Variants in CACNA1C observed in about 807,000 individuals in gnomAD.
CACNA1C encodes calcium voltage-gated channel subunit alpha1 C.
CACNA1C carries 30 observed loss-of-function variants against 229.0 expected under a neutral mutation model. That is an observed-to-expected ratio of 0.13 (90% CI 0.10 to 0.18). The LOEUF (loss-of-function observed/expected upper bound fraction) is 0.18, where lower values mean the gene tolerates loss of function less well. Among genes scored for constraint, CACNA1C ranks in the 10% least tolerant of loss-of-function variants. The pLI is 1.00. For synonymous variants in CACNA1C, 1,114 were observed against 1,132.5 expected, an observed-to-expected ratio of 0.98 and a Z score of 0.33; for missense variants, 1,658 against 2,845.0, an observed-to-expected ratio of 0.58 and a Z score of 9.49.
intron 1 of CACNA1C, among the ~76,000 whole-genome samples, chr12:2,047,735 T>C (rs1019293211): frequency 6.6e-6 from 1 of 151,342 alleles, no homozygotes; most frequent in Non-Finnish European, 1.5e-5. Flanking sequence ...CCACCGTGAG[T>C]GATGTGGAGG....
chr12:2,071,295 G>A (rs2061256065), intron 1 of CACNA1C, among the ~76,000 whole-genome samples: 1 of 150,786 alleles, frequency 6.6e-6, no homozygotes, highest in African/African-American at 2.5e-5. Flanking sequence ...TTGGCTCACT[G>A]CAGCCTTGAC....
chr12:2,485,997 C>T lies in CACNA1C; in HGVS notation c.758-107C>T, dbSNP rs181528429. ...AGCCTCAGTCTTCTCATCTAAACAA[C>T]AGGGCTGGCAGTTCCTTCCTTGCAG... On this transcript the variant is annotated intron_variant, in intron 5 of 46. Coordinates refer to ENST00000399655, the MANE Select transcript of CACNA1C (RefSeq NM_000719.7). 2.3e-5 allele frequency: 20 copies of T among 863,156 alleles called. No individual in the cohort carries two copies. The African/African-American group carries it at 3.2e-4, about 14-fold the overall frequency. 53.5% of individuals were successfully genotyped at this position (863,156 alleles called of 1,614,324 possible). A position where few individuals can be genotyped will look rare whatever the true frequency, so the allele number is the denominator to read the frequency against.
intron 3 of CACNA1C, among the ~76,000 whole-genome samples, chr12:2,250,532 G>A (rs1290739957): frequency 6.6e-6 from 1 of 152,182 alleles, no homozygotes; most frequent in Non-Finnish European, 1.5e-5. Flanking sequence ...TACTCAGGGG[G>A]ACAAACTGGG....
At chr12:2,172,930 G>C (rs2096539550) in intron 3 of CACNA1C, among the ~76,000 whole-genome samples, 1 of 152,242 alleles carries the variant, frequency 6.6e-6, no homozygotes, top group South Asian at 2.1e-4. Context: ...AGCAGAGTTG[G>C]TGAGGAGCTG....
chr12:2,351,353 C>T (rs1023451276), intron 3 of CACNA1C, among the ~76,000 whole-genome samples: 1 of 152,182 alleles, frequency 6.6e-6, no homozygotes, highest in African/African-American at 2.4e-5. Flanking sequence ...AGAGCAGCCC[C>T]CACCCCAGCC....
chr12:2,247,217 G>T (rs1305860775), intron 3 of CACNA1C, among the ~76,000 whole-genome samples: 2 of 152,204 alleles, frequency 1.3e-5, no homozygotes, highest in East Asian at 3.9e-4. Flanking sequence ...TTATAACCTT[G>T]CTCTCTCTAT....
chr12:2,348,839 C>T lies in CACNA1C; in HGVS notation c.478-100137C>T, dbSNP rs994586667. ...CAGGGTGGGGCTGTTGGATGTTACC[C>T]GTCATGTCAGCATTCAGAGCCCGGC... On this transcript the variant is annotated intron_variant, in intron 3 of 46. Coordinates refer to ENST00000399655, the MANE Select transcript of CACNA1C (RefSeq NM_000719.7). This position sits in a 1 kb window ranked among gnomAD's most constrained non-coding sequence, Gnocchi z 4.7. Among the ~76,000 whole-genome samples, 7 of 152,038 alleles carry T rather than the reference C, an allele frequency of 4.6e-5. No individual in the cohort carries two copies. The highest frequency in any genetic ancestry group is 7.2e-5 in the African/African-American group (3 of 41,398).
intron 1 of CACNA1C, among the ~76,000 whole-genome samples, chr12:2,043,999 A>G (rs1449381862): frequency 2.0e-5 from 3 of 152,238 alleles, no homozygotes; most frequent in East Asian, 1.9e-4. Context: ...AGAAGTTGAT[A>G]TGGGTGGCAT....
chr12:2,591,005 C>T (rs911208496), intron 18 of CACNA1C, among the ~76,000 whole-genome samples: 8 of 152,148 alleles, frequency 5.3e-5, no homozygotes, highest in Non-Finnish European at 1.0e-4. Context: ...TTGGGTGTCA[C>T]AAGAACTCCA....
intron 3 of CACNA1C, among the ~76,000 whole-genome samples, chr12:2,212,430 A>G (rs1054327239): frequency 6.6e-6 from 1 of 152,202 alleles, no homozygotes; most frequent in Non-Finnish European, 1.5e-5. Flanking sequence ...GTTTGAGGAA[A>G]TCTTACGGTT....
At chr12:2,081,565 A>C (rs993883131) in intron 1 of CACNA1C, among the ~76,000 whole-genome samples, 1 of 93,794 alleles carries the variant, frequency 1.1e-5, no homozygotes, top group South Asian at 3.3e-4. Context: ...AGCGAGACTC[A>C]GTCTCAAAAA....
At chr12:2,582,735 G>T in intron 14 of CACNA1C, 87 bp from the exon 15 acceptor site, 1 of 1,453,296 alleles carries the variant, frequency 6.9e-7, no homozygotes, top group Non-Finnish European at 9.4e-7. Flanking sequence ...GGACAATTTT[G>T]TTGACGTAGT....
At chr12:2,184,243 T>C (rs2096930330) in intron 3 of CACNA1C, among the ~76,000 whole-genome samples, 1 of 152,202 alleles carries the variant, frequency 6.6e-6, no homozygotes. Flanking sequence ...TTATTTAATG[T>C]GTCTTCTGAA....
chr12:2,617,941 T>G (rs1405194668), intron 29 of CACNA1C, among the ~76,000 whole-genome samples: 2 of 152,266 alleles, frequency 1.3e-5, no homozygotes, highest in African/African-American at 4.8e-5. Flanking sequence ...CCTTTAGATT[T>G]AGCATCTGGC....
At chr12:2,324,645 C>G (rs562275511) in intron 3 of CACNA1C, among the ~76,000 whole-genome samples, 2 of 152,334 alleles carry the variant, frequency 1.3e-5, no homozygotes, top group African/African-American at 4.8e-5. Flanking sequence ...GTGATTCTGT[C>G]TGAAGTAGGA....
At chr12:2,132,133 G>T (rs1223642579) in intron 3 of CACNA1C, among the ~76,000 whole-genome samples, 1 of 142,316 alleles carries the variant, frequency 7.0e-6, no homozygotes, top group Non-Finnish European at 1.5e-5. Context: ...AAGAATGCTT[G>T]TGATTTTTGT....
chr12:2,572,811 C>T (rs1052221773), intron 13 of CACNA1C, among the ~76,000 whole-genome samples: 1 of 111,792 alleles, frequency 8.9e-6, no homozygotes, highest in African/African-American at 3.4e-5. Flanking sequence ...TCCTCCTTCT[C>T]CTCTCCTCCT....
intron 3 of CACNA1C, among the ~76,000 whole-genome samples, chr12:2,200,609 T>G (rs939645935): frequency 6.6e-5 from 10 of 152,186 alleles, no homozygotes; most frequent in African/African-American, 2.4e-4. Context: ...CCTACTCCCA[T>G]GAAGCTTATA....
At chr12:2,382,070 A>G (rs2098263835) in intron 3 of CACNA1C, among the ~76,000 whole-genome samples, 1 of 152,234 alleles carries the variant, frequency 6.6e-6, no homozygotes. Context: ...CATGAAGTCT[A>G]TAGATGGAAT....
Sources: gnomAD v4.1 joint callset for allele counts (sites outside exome capture counted in the v4.1 genomes callset) on GRCh38, gnomAD v4.1.1 for gene constraint, Gnocchi (gnomAD v3.1) non-coding constraint, MANE v1.5 for transcripts, NCBI Gene and HGNC (gene_info 2026-07-23, HGNC 2026-07-21) for gene names.